Variants in USP34 observed in about 807,000 individuals in gnomAD.
USP34 encodes ubiquitin specific peptidase 34.
A neutral mutation model predicts 460.3 loss-of-function variants in USP34; 70 were observed. The ratio of observed to expected loss-of-function variants is 0.15; its 90% CI spans 0.13 to 0.19. The LOEUF (loss-of-function observed/expected upper bound fraction) is 0.19. USP34 is among the 10% of genes least tolerant of loss of function. The probability of loss-of-function intolerance (pLI) is 1.00; values close to 1 mark genes in which losing one functional copy is unlikely to be tolerated. For missense variants in USP34, 3,985 were observed against 4,236.2 expected, an observed-to-expected ratio of 0.94 and a Z score of 1.65; for synonymous variants, 1,647 against 1,405.3, an observed-to-expected ratio of 1.17 and a Z score of -3.85.
intron 1 of USP34, among the ~76,000 whole-genome samples, chr2:61,425,397 T>C (rs539457559): frequency 1.3e-5 from 2 of 151,542 alleles, no homozygotes; most frequent in South Asian, 4.2e-4. Context: ...CACTTCCTGT[T>C]CCCCCAGCCA....
chr2:61,442,297 TCAA>T (rs1329673486), intron 1 of USP34, among the ~76,000 whole-genome samples: 2 of 146,696 alleles, frequency 1.4e-5, no homozygotes, highest in Non-Finnish European at 3.0e-5. Context: ...AAGGCAAAAA[TCAA>T]CAGAGTAAAA....
chr2:61,467,023 T>C (rs1482414900), intron 1 of USP34, among the ~76,000 whole-genome samples: 5 of 152,084 alleles, frequency 3.3e-5, no homozygotes, highest in African/African-American at 1.2e-4. Flanking sequence ...ACAGCAGTCT[T>C]GGCCAGGCGC....
intron 50 of USP34, among the ~76,000 whole-genome samples, chr2:61,245,928 A>T (rs1350908882): frequency 6.6e-6 from 1 of 152,174 alleles, no homozygotes; most frequent in African/African-American, 2.4e-5. Context: ...AAAGGATAAA[A>T]AGAAGTGTGT....
chr2:61,420,145 A>C (rs1191939362), intron 2 of USP34, among the ~76,000 whole-genome samples: 1 of 152,202 alleles, frequency 6.6e-6, no homozygotes, highest in African/African-American at 2.4e-5. Context: ...CTTACCCATA[A>C]AATTTTTTAG....
intron 1 of USP34, among the ~76,000 whole-genome samples, chr2:61,448,540 AC>A (rs1695182503): frequency 6.6e-6 from 1 of 152,224 alleles, no homozygotes; most frequent in Non-Finnish European, 1.5e-5. Flanking sequence ...GACAGATCAT[AC>A]TTTGATAACC....
At chr2:61,192,757 T>C in intron 76 of USP34, 144 bp downstream of exon 76, 1 of 578,890 alleles carries the variant, frequency 1.7e-6, no homozygotes, top group Non-Finnish European at 3.0e-6. Context: ...TAATAGCTAG[T>C]ATTTTCATTC....
At chr2:61,214,820 T>A in intron 67 of USP34, 126 bp from the exon 68 acceptor site, 1 of 1,067,544 alleles carries the variant, frequency 9.4e-7, no homozygotes, top group Non-Finnish European at 1.3e-6. Flanking sequence ...CATGAACATC[T>A]CTTTTAGTAT....
chr2:61,334,377 A>G (rs923463987), intron 18 of USP34, among the ~76,000 whole-genome samples: 1 of 152,134 alleles, frequency 6.6e-6, no homozygotes, highest in Admixed American at 6.5e-5. Flanking sequence ...CCTCAAAAGT[A>G]TAAGGAGCAG....
At position 61,187,750 on chromosome 2, in the gene USP34, A is replaced by G; in HGVS notation, c.*352T>C. ...CCTCTATAAGGTACAAAACTGGCAC[A>G]GAGGACACCATATCATACACAGTAA... On this transcript the variant is annotated 3_prime_UTR_variant, in exon 80 of 80. Transcript: ENST00000398571. 1 of 514,348 alleles carries G rather than the reference A, an allele frequency of 1.9e-6. No individual in the cohort carries two copies. 31.9% of individuals were successfully genotyped at this position (514,348 alleles called of 1,614,324 possible). A position where few individuals can be genotyped will look rare whatever the true frequency, so the allele number is the denominator to read the frequency against.
chr2:61,359,361 A>G (rs1328488278), intron 10 of USP34, among the ~76,000 whole-genome samples: 2 of 152,234 alleles, frequency 1.3e-5, no homozygotes, highest in Non-Finnish European at 2.9e-5. Flanking sequence ...TTTTTTCAAC[A>G]AATGGTGTTA....
chr2:61,296,406 T>A (rs1045433759), intron 30 of USP34, among the ~76,000 whole-genome samples: 9 of 152,208 alleles, frequency 5.9e-5, no homozygotes, highest in Non-Finnish European at 1.2e-4. Flanking sequence ...TTTCTCCAAT[T>A]TGGTCAGTTA....
chr2:61,189,346 C>T (rs1193028782), intron 78 of USP34: 3 of 238,202 alleles, frequency 1.3e-5, no homozygotes, highest in African/African-American at 2.3e-5. Flanking sequence ...AATCTCGGCT[C>T]GCTGCAACCT....
chr2:61,297,045 A>T (rs1193648301), intron 29 of USP34, 120 bp from the exon 30 acceptor site: 1 of 1,302,190 alleles, frequency 7.7e-7, no homozygotes, highest in Non-Finnish European at 1.0e-6. Flanking sequence ...CACTTTTTGA[A>T]AAGTGAGAAA....
chr2:61,209,494 G>T (rs1687211796), intron 69 of USP34, among the ~76,000 whole-genome samples: 1 of 152,218 alleles, frequency 6.6e-6, no homozygotes, highest in Non-Finnish European at 1.5e-5. Flanking sequence ...TAATGGAGCT[G>T]ATAAATTCCT....
chr2:61,272,192 G>A (rs529428619), intron 41 of USP34, among the ~76,000 whole-genome samples: 140 of 152,102 alleles, frequency 9.2e-4, no homozygotes, highest in African/African-American at 3.2e-3. Flanking sequence ...CGGGCAGATC[G>A]TGAGGTCAGG....
chr2:61,188,859 T>C lies in USP34; in HGVS notation c.10033+51A>G. Reference sequence around the variant, plus strand: ...TCTTAAACCAGTTACACCAAGTGTATTACTCCCTCCTCCCACCCTAAAGGT... The same window carrying C: ...TCTTAAACCAGTTACACCAAGTGTACTACTCCCTCCTCCCACCCTAAAGGT... On this transcript the variant is annotated intron_variant, in intron 79 of 79. Transcript: ENST00000398571. The C allele has an allele frequency of 3.1e-6, 5 of 1,604,910 alleles. No individual in the cohort carries two copies. The South Asian group carries it at 5.6e-5, about 18-fold the overall frequency.
chr2:61,380,766 G>C (rs902371672), intron 6 of USP34, among the ~76,000 whole-genome samples: 3 of 152,188 alleles, frequency 2.0e-5, no homozygotes, highest in Admixed American at 2.0e-4. Context: ...AAGCCTTTGA[G>C]CTTGCCTTCT....
chr2:61,455,010 C>T (rs1347659369), intron 1 of USP34, among the ~76,000 whole-genome samples: 2 of 151,534 alleles, frequency 1.3e-5, no homozygotes, highest in East Asian at 3.9e-4. Flanking sequence ...GCCTGGCAAG[C>T]AGCTGGGATT....
In USP34 at chr2:61,395,769, G is replaced by T. The variant is rs1340459258; in HGVS notation, c.553-536C>A. Among the ~76,000 whole-genome samples, 324 of 98,542 alleles carry T rather than the reference G, an allele frequency of 3.3e-3. 1 individual carries two copies. The highest frequency in any genetic ancestry group is 0.013 in the African/African-American group (302 of 23,034). 64.6% of individuals were successfully genotyped at this position (98,542 alleles called of 152,430 possible). A position where few individuals can be genotyped will look rare whatever the true frequency, so the allele number is the denominator to read the frequency against. ...CCACAGCACTCCCGCCTGGGCGACA[G>T]AACGAGACTCCGTCTCAAAAAAAAA... is the stretch of plus-strand genomic sequence containing the variant. On this transcript the variant is annotated intron_variant, in intron 3 of 79. Transcript: ENST00000398571.
Sources: gnomAD v4.1 joint callset for allele counts (sites outside exome capture counted in the v4.1 genomes callset) on GRCh38, gnomAD v4.1.1 for gene constraint, MANE v1.5 for transcripts, NCBI Gene and HGNC (gene_info 2026-07-23, HGNC 2026-07-21) for gene names.